IGF2BP1: variants seen among roughly 807,000 people sequenced by gnomAD.
The protein encoded by IGF2BP1 is insulin like growth factor 2 mRNA binding protein 1, also known as insulin-like growth factor 2 mRNA-binding protein 1.
IGF2BP1 carries 11 observed loss-of-function variants against 74.9 expected under a neutral mutation model. The ratio of observed to expected loss-of-function variants is 0.15; its 90% confidence interval spans 0.09 to 0.24. The LOEUF is 0.24. IGF2BP1 is among the 10% of genes least tolerant of loss of function. The pLI is 1.00. For missense variants in IGF2BP1, 440 were observed against 757.4 expected (o/e 0.58, Z 4.92); for synonymous variants, 287 against 281.8 (o/e 1.02, Z -0.18).
intron 1 of IGF2BP1, among the ~76,000 whole-genome samples, chr17:48,998,397 G>T (rs1435916335): frequency 1.3e-5 from 2 of 152,256 alleles, no homozygotes; most frequent in African/African-American, 2.4e-5. Context: ...TCCGCTTCGC[G>T]TGGGGAATGC....
Position 49,025,660 on chromosome 17 carries a change from A to T in IGF2BP1, c.279A>T (p.Arg93=). 2 of 1,611,924 alleles carry T rather than the reference A, an allele frequency of 1.2e-6. No homozygotes were observed. The highest frequency in any genetic ancestry group is 1.7e-6 in the Non-Finnish European group (2 of 1,179,572). The part of the protein sequence containing the change: ...IQIRNIPPQL[R]WEVLDSLLAQ... ...TCCGAAATATTCCACCCCAGCTCCG[A>T]TGGGAAGTAAGTGTTTGGGGGAAAC... Residue 93 remains arginine, a synonymous_variant, in exon 3 of 15, where the codon CGA becomes CGT. Coordinates refer to ENST00000290341, the MANE Select transcript of IGF2BP1 (RefSeq NM_006546.4).
chr17:49,005,425 A>G (rs1349534596), intron 2 of IGF2BP1, among the ~76,000 whole-genome samples: 1 of 152,232 alleles, frequency 6.6e-6, no homozygotes, highest in Non-Finnish European at 1.5e-5. Flanking sequence ...TCGATGATTA[A>G]GAGAAGTTTT....
intron 5 of IGF2BP1, among the ~76,000 whole-genome samples, chr17:49,033,319 A>AT (rs995878341): frequency 2.6e-4 from 38 of 146,700 alleles, no homozygotes; most frequent in East Asian, 1.6e-3. Flanking sequence ...CGGCTGGCTA[A>AT]TTTTTTTTTT....
intron 2 of IGF2BP1, among the ~76,000 whole-genome samples, chr17:49,019,940 A>ATATATATATT (rs1489044756): frequency 2.0e-4 from 10 of 49,896 alleles, no homozygotes; most frequent in Non-Finnish European, 8.1e-5. Flanking sequence ...ATATATATAT[A>ATATATATATT]TATATATATT....
At chr17:49,034,557 T>C (rs1354589729) in intron 5 of IGF2BP1, among the ~76,000 whole-genome samples, 1 of 151,472 alleles carries the variant, frequency 6.6e-6, no homozygotes, top group Non-Finnish European at 1.5e-5. Context: ...CTGGGCAACA[T>C]GGCAAAACCC....
chr17:49,024,077 C>A (rs1567817711), intron 2 of IGF2BP1, among the ~76,000 whole-genome samples: 1 of 145,494 alleles, frequency 6.9e-6, no homozygotes, highest in African/African-American at 2.5e-5. Context: ...CCACCACACC[C>A]TGCTAATTTT....
chr17:49,010,409 C>T (rs1235863758), intron 2 of IGF2BP1, among the ~76,000 whole-genome samples: 18 of 150,096 alleles, frequency 1.2e-4, no homozygotes, highest in Non-Finnish European at 2.1e-4. Context: ...CTCCGCCTCC[C>T]GGGTTCACGT....
chr17:49,014,685 C>T (rs1234028461), intron 2 of IGF2BP1: 4 of 761,000 alleles, frequency 5.3e-6, no homozygotes, highest in Admixed American at 6.3e-5. Context: ...GGGGGAGACG[C>T]GGATCCCTGA....
At chr17:49,043,037 G>C (rs2042069488) in intron 9 of IGF2BP1, among the ~76,000 whole-genome samples, 1 of 152,114 alleles carries the variant, frequency 6.6e-6, no homozygotes, top group South Asian at 2.1e-4. Context: ...AAAATGTTTA[G>C]AATCAGAGTC....
intron 9 of IGF2BP1, among the ~76,000 whole-genome samples, chr17:49,042,758 C>A (rs1043981634): frequency 6.6e-6 from 1 of 152,010 alleles, no homozygotes; most frequent in East Asian, 1.9e-4. Flanking sequence ...CTTACTGCAG[C>A]CTTGACCCCC....
intron 2 of IGF2BP1, among the ~76,000 whole-genome samples, chr17:49,016,321 C>A (rs1391146067): frequency 6.6e-6 from 1 of 152,194 alleles, no homozygotes; most frequent in Non-Finnish European, 1.5e-5. Flanking sequence ...AGAGGCTTAC[C>A]CCTTTCCTTT....
rs546149407 is a variant in IGF2BP1 at position 49,039,417 on chromosome 17, C to T, written c.684-540C>T. 1.3e-4 allele frequency among the ~76,000 whole-genome samples: 20 copies of T among 152,034 alleles called. No individual in the cohort carries two copies. The South Asian group carries it at 4.2e-3, about 32-fold the overall frequency. The stretch of plus-strand genomic sequence containing the variant: ...TGTTCTTGTCCCCAACCACTGCTTG[C>T]TTATTTATTTATTTTTATTTTATTT... On this transcript the variant is annotated intron_variant, in intron 6 of 14. Coordinates refer to ENST00000290341, the MANE Select transcript of IGF2BP1 (RefSeq NM_006546.4).
chr17:49,025,365 G>GT (rs1426257706), intron 2 of IGF2BP1, among the ~76,000 whole-genome samples: 3 of 143,142 alleles, frequency 2.1e-5, no homozygotes, highest in Admixed American at 2.1e-4. Context: ...TGTTGGGAAT[G>GT]TTAACAGAGT....
At chr17:49,029,717 T>G (rs753074116) in intron 4 of IGF2BP1, among the ~76,000 whole-genome samples, 1 of 152,058 alleles carries the variant, frequency 6.6e-6, no homozygotes, top group Non-Finnish European at 1.5e-5. Context: ...CTCAAACTTC[T>G]GGGATCAAGT....
At position 49,029,969 on chromosome 17, in the gene IGF2BP1, G is replaced by T. The variant is rs751080467; in HGVS notation, c.338-1941G>T. ...CTGCTTGGGATTCTAATGTCAGCTTGCCAAACCATTTTCCTAGTTAGAGCC... is the reference window on the plus strand; with the variant it reads ...CTGCTTGGGATTCTAATGTCAGCTTTCCAAACCATTTTCCTAGTTAGAGCC... On this transcript the variant is annotated intron_variant, in intron 4 of 14. Transcript: ENST00000290341. Among the ~76,000 whole-genome samples, 33 of 152,002 alleles carry T rather than the reference G, an allele frequency of 2.2e-4. 1 individual carries two copies. The highest frequency in any genetic ancestry group is 1.2e-3 in the Admixed American group (19 of 15,248).
chr17:49,009,353 T>C (rs1034246224), intron 2 of IGF2BP1, among the ~76,000 whole-genome samples: 1 of 128,292 alleles, frequency 7.8e-6, no homozygotes, highest in Non-Finnish European at 1.6e-5. Context: ...TTAACAGATA[T>C]TTCAGATATT....
rs768336961 is a variant in IGF2BP1 at position 49,038,205 on chromosome 17, C to T, written c.439C>T (p.His147Tyr). Residue 147 changes from histidine to tyrosine, a missense_variant, in exon 6 of 15, where the codon CAT becomes TAT. Transcript: ENST00000290341. Reference protein sequence around the residue: ...MKLNGHQLENHALKVSYIPDE... With the variant: ...MKLNGHQLENYALKVSYIPDE... ...GCTGAATGGCCACCAGTTGGAGAAC[C>T]ATGCCCTGAAGGTCTCCTACATCCC... The T allele has an allele frequency of 1.2e-5, 19 of 1,534,400 alleles. No homozygotes were observed. In the South Asian group the frequency reaches 2.4e-4, roughly 19 times the overall value.
intron 1 of IGF2BP1, 107 bp downstream of exon 1, chr17:48,998,027 G>A (rs2041429656): frequency 2.2e-6 from 3 of 1,350,200 alleles, no homozygotes; most frequent in East Asian, 2.4e-5. Context: ...CCGGGCCTGC[G>A]GGGTTTGGCC....
chr17:49,013,294 A>T (rs1277614951), intron 2 of IGF2BP1, among the ~76,000 whole-genome samples: 1 of 152,182 alleles, frequency 6.6e-6, no homozygotes, highest in Non-Finnish European at 1.5e-5. Context: ...GGAGCTTCCC[A>T]GAAGGCCTTG....
Sources: gnomAD v4.1 joint callset for allele counts (sites outside exome capture counted in the v4.1 genomes callset) on GRCh38, gnomAD v4.1.1 for gene constraint, MANE v1.5 for transcripts, NCBI Gene and HGNC (gene_info 2026-07-23, HGNC 2026-07-21) for gene names.